Variants in RARB observed in about 807,000 individuals in gnomAD.
The protein encoded by RARB is retinoic acid receptor beta.
RARB carries 17 observed loss-of-function variants against 51.9 expected under a neutral mutation model. The observed-to-expected ratio is 0.33, with a 90% CI of 0.22 to 0.49. The LOEUF (loss-of-function observed/expected upper bound fraction) is 0.49, where lower values mean the gene tolerates loss of function less well. Ranked by LOEUF, RARB falls within the 20% of genes least tolerant of loss-of-function variation. The pLI is 0.99. For missense variants in RARB, 369 were observed against 550.8 expected, an observed-to-expected ratio of 0.67 and a Z score of 3.30; for synonymous variants, 215 against 195.4, an observed-to-expected ratio of 1.10 and a Z score of -0.84.
At chr3:25,397,213 A>T (rs935317022) in intron 5 of RARB, among the ~76,000 whole-genome samples, 2 of 152,156 alleles carry the variant, frequency 1.3e-5, no homozygotes, top group Non-Finnish European at 2.9e-5. Context: ...GTGTGCCCAC[A>T]GGGCTCTTCC....
At chr3:25,471,551 G>T (rs1031997910) in intron 2 of RARB, among the ~76,000 whole-genome samples, 1 of 148,382 alleles carries the variant, frequency 6.7e-6, no homozygotes, top group Non-Finnish European at 1.5e-5. Context: ...TAAACAGGAA[G>T]TTGGGGGCGG....
chr3:25,391,192 A>C (rs566247410), intron 5 of RARB, among the ~76,000 whole-genome samples: 1 of 152,274 alleles, frequency 6.6e-6, no homozygotes, highest in South Asian at 2.1e-4. Context: ...TAATGGTCTC[A>C]AACTCCATCC....
intron 5 of RARB, among the ~76,000 whole-genome samples, chr3:25,208,047 T>A (rs191904314): frequency 1.9e-3 from 291 of 152,068 alleles, no homozygotes; most frequent in African/African-American, 6.8e-3. Context: ...GGGGGAATGC[T>A]ACGCACCGTT....
intron 3 of RARB, among the ~76,000 whole-genome samples, chr3:25,559,006 C>T (rs183900927): frequency 9.0e-4 from 137 of 152,264 alleles, no homozygotes; most frequent in African/African-American, 2.8e-3. Context: ...CCCCTTCAAA[C>T]ATGATGTAGT....
At chr3:24,982,245 G>C (rs1409823205) in intron 2 of RARB, among the ~76,000 whole-genome samples, 1 of 152,182 alleles carries the variant, frequency 6.6e-6, no homozygotes, top group Non-Finnish European at 1.5e-5. Flanking sequence ...GCAACTCTCT[G>C]AGACCAGGCT....
intron 3 of RARB, among the ~76,000 whole-genome samples, chr3:25,090,271 A>T (rs190247392): frequency 1.1e-4 from 17 of 152,228 alleles, no homozygotes; most frequent in Non-Finnish European, 2.9e-5. Flanking sequence ...TCTTGGGAAA[A>T]ATAAGTACTT....
Position 24,908,740 on chromosome 3 carries a change from G to GA in RARB, c.-380+49995dup, listed in dbSNP as rs200435869. ...ACAGAAGGTCTAGGGAGATATTAAT[G>GA]AAAAAAAGGAAATGTTGAGACCTTA... is the stretch of plus-strand genomic sequence containing the variant. On this transcript the variant is annotated intron_variant, in intron 2 of 11. Coordinates refer to the RARB transcript ENST00000383772. Among the ~76,000 whole-genome samples, 827 of 122,344 alleles carry GA rather than the reference G, an allele frequency of 6.8e-3. 8 individuals are homozygous for GA. Among genetic ancestry groups the GA allele is most frequent in the African/African-American group, 0.023 (764 of 33,444 alleles). The allele number at this position is 122,344 out of a possible 152,430, so 80.3% of individuals were successfully genotyped here.
intron 2 of RARB, among the ~76,000 whole-genome samples, chr3:24,884,421 A>C (rs544552854): frequency 6.6e-6 from 1 of 152,198 alleles, no homozygotes; most frequent in East Asian, 1.9e-4. Context: ...TGCATGCAAC[A>C]GGGGTGGAAA....
chr3:25,532,292 C>T (rs1022901713), intron 3 of RARB, among the ~76,000 whole-genome samples: 1 of 152,170 alleles, frequency 6.6e-6, no homozygotes, highest in South Asian at 2.1e-4. Flanking sequence ...TTTCAATATA[C>T]ATTTATTCAG....
intron 3 of RARB, among the ~76,000 whole-genome samples, chr3:25,077,524 T>G (rs1048804880): frequency 3.9e-5 from 6 of 152,178 alleles, no homozygotes; most frequent in Admixed American, 3.9e-4. Flanking sequence ...TTTAATAGTC[T>G]TTTTACTGCT....
chr3:25,435,360 A>G (rs1575400417), intron 1 of RARB, among the ~76,000 whole-genome samples: 2 of 152,206 alleles, frequency 1.3e-5, no homozygotes, highest in South Asian at 4.1e-4. Context: ...TTTTTTTCCC[A>G]TTTCCAGAGC....
At chr3:25,497,997 C>T (rs1697124958) in intron 2 of RARB, among the ~76,000 whole-genome samples, 2 of 152,106 alleles carry the variant, frequency 1.3e-5, no homozygotes, top group Admixed American at 1.3e-4. Context: ...GGCCAAGCTC[C>T]CTTTTCAGCA....
intron 2 of RARB, among the ~76,000 whole-genome samples, chr3:25,041,337 A>G (rs1456984157): frequency 6.6e-6 from 1 of 152,172 alleles, no homozygotes; most frequent in African/African-American, 2.4e-5. Flanking sequence ...GTTTTTTTCA[A>G]GGTTGCCGTT....
intron 3 of RARB, among the ~76,000 whole-genome samples, chr3:25,568,056 G>A (rs1283708827): frequency 2.0e-5 from 3 of 152,130 alleles, no homozygotes; most frequent in Admixed American, 1.3e-4. Flanking sequence ...GGGAGGGATC[G>A]GGTCACAGAG....
chr3:25,038,206 G>T (rs1264491898), intron 2 of RARB, among the ~76,000 whole-genome samples: 1 of 152,128 alleles, frequency 6.6e-6, no homozygotes, highest in Non-Finnish European at 1.5e-5. Flanking sequence ...TGTGATGAAG[G>T]AATTTGATAG....
chr3:25,467,981 T>C (rs1352431008), intron 2 of RARB, among the ~76,000 whole-genome samples: 1 of 152,120 alleles, frequency 6.6e-6, no homozygotes, highest in African/African-American at 2.4e-5. Context: ...GGGTATTCTA[T>C]TTCACAGGGG....
intron 2 of RARB, among the ~76,000 whole-genome samples, chr3:25,016,828 A>G (rs1289759807): frequency 6.6e-6 from 1 of 152,050 alleles, no homozygotes. Context: ...ACTCTTCTTG[A>G]TAACACTTAC....
At chr3:25,356,184 G>C (rs533152766) in intron 5 of RARB, among the ~76,000 whole-genome samples, 24 of 152,198 alleles carry the variant, frequency 1.6e-4, no homozygotes, top group African/African-American at 5.8e-4. Context: ...TTTTCAAAGA[G>C]AAGTATTTAT....
intron 3 of RARB, among the ~76,000 whole-genome samples, chr3:25,067,846 T>G (rs1387402881): frequency 6.6e-6 from 1 of 152,052 alleles, no homozygotes; most frequent in Non-Finnish European, 1.5e-5. Context: ...TTCTAGGAAA[T>G]TAAATCTTGG....
Sources: gnomAD v4.1 joint callset for allele counts (sites outside exome capture counted in the v4.1 genomes callset) on GRCh38, gnomAD v4.1.1 for gene constraint, MANE v1.5 for transcripts, NCBI Gene and HGNC (gene_info 2026-07-23, HGNC 2026-07-21) for gene names.